ACSM6: variants seen among roughly 807,000 people sequenced by gnomAD.
The protein encoded by ACSM6 is acyl-CoA synthetase medium chain family member 6.
In ACSM6, 35 loss-of-function variants were observed where a neutral mutation model predicts 51.1. The observed-to-expected ratio is 0.69, with a 90% CI of 0.52 to 0.91. The LOEUF (loss-of-function observed/expected upper bound fraction) is 0.91, where lower values mean the gene tolerates loss of function less well. Ranked by LOEUF, ACSM6 falls within the 40% of genes least tolerant of loss-of-function variation. ACSM6 has a pLI of 0.00. For synonymous variants in ACSM6, 172 were observed against 207.3 expected (o/e 0.83, Z 1.46); for missense variants, 509 against 584.1 (o/e 0.87, Z 1.32).
chr10:95,204,484 G>A (rs2034823837), intron 3 of ACSM6, among the ~76,000 whole-genome samples: 1 of 152,078 alleles, frequency 6.6e-6, no homozygotes, highest in East Asian at 1.9e-4. Flanking sequence ...AACCCGAGAG[G>A]TGGAGTTTAT....
At chr10:95,208,871 A>G (rs1027808468) in intron 4 of ACSM6, among the ~76,000 whole-genome samples, 1 of 139,758 alleles carries the variant, frequency 7.2e-6, no homozygotes, top group African/African-American at 2.6e-5. Flanking sequence ...AGACTACTAA[A>G]TTAAGTTTGA....
At chr10:95,216,609 GAC>G (rs1403851544) in intron 8 of ACSM6, among the ~76,000 whole-genome samples, 3 of 152,160 alleles carry the variant, frequency 2.0e-5, no homozygotes, top group Non-Finnish European at 2.9e-5. Context: ...ATCTCAAAAA[GAC>G]AAGGGAATTG....
Position 95,199,081 on chromosome 10 carries a change from T to C in ACSM6, c.193-2904T>C, listed in dbSNP as rs887832300. On this transcript the variant is annotated intron_variant, in intron 2 of 10. Coordinates refer to ENST00000341686, the Ensembl canonical transcript of ACSM6. ...CAAAAGAACAAAGCTGGAGGCATCA[T>C]GCTACCTGACTTCAAACTATACTAC... 3.3e-5 allele frequency among the ~76,000 whole-genome samples: 5 copies of C among 152,230 alleles called. No individual in the cohort carries two copies. In the South Asian group the frequency reaches 6.2e-4, roughly 19 times the overall value.
At chr10:95,226,548 G>A (rs966563666) in intron 10 of ACSM6, 1 of 152,254 alleles carries the variant, frequency 6.6e-6, no homozygotes, top group Non-Finnish European at 1.5e-5. Context: ...CTGTGCTCCA[G>A]CCTGGGCAAC....
chr10:95,212,471 TC>T (rs1444310473), intron 6 of ACSM6, among the ~76,000 whole-genome samples: 1 of 152,122 alleles, frequency 6.6e-6, no homozygotes, highest in Non-Finnish European at 1.5e-5. Context: ...TCTACTGAAC[TC>T]CACAGCACAA....
At chr10:95,210,527 C>A in intron 4 of ACSM6, 123 bp from the exon 5 acceptor site, 1 of 1,084,768 alleles carries the variant, frequency 9.2e-7, no homozygotes, top group South Asian at 2.2e-5. Flanking sequence ...ACAAATAATC[C>A]TCAAATATAT....
chr10:95,211,912 T>G (rs1444029704), exon 6 of ACSM6: 12 of 1,612,698 alleles, frequency 7.4e-6, no homozygotes, highest in Non-Finnish European at 8.5e-6. Context: ...AGATGTCTTG[T>G]GGAGTCTGGG....
rs141523069 is a variant in ACSM6 at position 95,228,576 on chromosome 10, C to T, written c.1303-68C>T. 667 of 1,480,516 alleles carry T rather than the reference C, an allele frequency of 4.5e-4. 2 individuals carry two copies. The African/African-American group carries it at 8.8e-3, about 19-fold the overall frequency. 91.7% of individuals were successfully genotyped at this position (1,480,516 alleles called of 1,614,324 possible). A position where few individuals can be genotyped will look rare whatever the true frequency, so the allele number is the denominator to read the frequency against. ...CTCCCCTGGGGCTAGCCAGAGTGCT[C>T]AATTCATATCACTAAATGATTGTGA... On this transcript the variant is annotated intron_variant, in intron 10 of 10. Transcript: ENST00000341686.
intron 9 of ACSM6, among the ~76,000 whole-genome samples, chr10:95,220,802 TG>T (rs2034988548): frequency 1.3e-5 from 2 of 152,330 alleles, no homozygotes; most frequent in South Asian, 4.1e-4. Flanking sequence ...TTTATATGTT[TG>T]TTTTTTCCAG....
At chr10:95,207,938 C>T (rs1427065843) in intron 4 of ACSM6, among the ~76,000 whole-genome samples, 4 of 151,954 alleles carry the variant, frequency 2.6e-5, no homozygotes, top group Admixed American at 1.3e-4. Context: ...ATCAGGAGTT[C>T]GAGACCAGCC....
intron 4 of ACSM6, 100 bp downstream of exon 4, chr10:95,207,515 G>T: frequency 8.1e-7 from 1 of 1,227,304 alleles, no homozygotes; most frequent in Non-Finnish European, 1.2e-6. Context: ...AGAATGAAAA[G>T]CTGAATGGCA....
At chr10:95,227,810 G>C (rs1436376580) in intron 10 of ACSM6, among the ~76,000 whole-genome samples, 22 of 152,228 alleles carry the variant, frequency 1.4e-4, no homozygotes, top group Admixed American at 1.4e-3. Context: ...GCTCATGCCT[G>C]TAATCCCAGC....
At chr10:95,207,828 G>T (rs2133379025) in intron 4 of ACSM6, among the ~76,000 whole-genome samples, 1 of 152,210 alleles carries the variant, frequency 6.6e-6, no homozygotes, top group African/African-American at 2.4e-5. Context: ...ATGAAATCAT[G>T]GTCGCACATG....
exon 10 of ACSM6, chr10:95,225,314 C>T: frequency 3.2e-6 from 5 of 1,551,642 alleles, no homozygotes; most frequent in Non-Finnish European, 4.4e-6. Flanking sequence ...CTCAAATCTC[C>T]TGCCTCCAGG....
At chr10:95,220,025 T>C in intron 9 of ACSM6, 54 bp downstream of exon 9, 5 of 1,398,772 alleles carry the variant, frequency 3.6e-6, no homozygotes, top group Non-Finnish European at 5.0e-6. Flanking sequence ...GCTCTTACAG[T>C]TGTTTATCTA....
chr10:95,228,073 T>TA (rs879824551), intron 10 of ACSM6, among the ~76,000 whole-genome samples: 122 of 140,796 alleles, frequency 8.7e-4, no homozygotes, highest in Middle Eastern at 3.7e-3. Flanking sequence ...CTGTTTCAAT[T>TA]AAAAAAAAAA....
chr10:95,214,989 G>C lies in ACSM6; in HGVS notation c.1119+14G>C, dbSNP rs781122325. On this transcript the variant is annotated intron_variant, in intron 8 of 10. Transcript: ENST00000341686. ...CAGACGGAAACTGTAGGTTGATGCT[G>C]ACTCACTATTTAGCCAGAAACCAAA... 10 of 1,550,922 alleles carry C rather than the reference G, an allele frequency of 6.4e-6. No homozygotes were observed. The highest frequency in any genetic ancestry group is 7.8e-6 in the Non-Finnish European group (9 of 1,146,674).
intron 7 of ACSM6, 126 bp from the exon 8 acceptor site, chr10:95,214,726 A>G: frequency 9.1e-7 from 1 of 1,093,870 alleles, no homozygotes; most frequent in Non-Finnish European, 1.3e-6. Flanking sequence ...AAGAACATCA[A>G]CCACCACTTA....
chr10:95,199,241 G>T lies in ACSM6; in HGVS notation c.193-2744G>T, dbSNP rs571278549. Among the ~76,000 whole-genome samples the T allele has an allele frequency of 6.5e-4, 99 of 152,306 alleles. 1 individual carries two copies. Among genetic ancestry groups the T allele is most frequent in the African/African-American group, 2.3e-3 (96 of 41,558 alleles). On this transcript the variant is annotated intron_variant, in intron 2 of 10. Coordinates refer to ENST00000341686, the Ensembl canonical transcript of ACSM6. ...TCTTTGACAAACCTGACAAAAACAA[G>T]AAATGGAGAAAGGATTCCCTATTTA...
Sources: gnomAD v4.1 joint callset for allele counts (sites outside exome capture counted in the v4.1 genomes callset) on GRCh38, gnomAD v4.1.1 for gene constraint, MANE v1.5 for transcripts, NCBI Gene and HGNC (gene_info 2026-07-23, HGNC 2026-07-21) for gene names.